Variants in NYAP2 observed in about 807,000 individuals in gnomAD.
NYAP2 encodes the protein neuronal tyrosine-phosphorylated phosphoinositide-3-kinase adaptor 2.
In NYAP2, 23 loss-of-function variants were observed where a neutral mutation model predicts 50.4. The observed-to-expected ratio is 0.46, with a 90% CI of 0.33 to 0.65. The LOEUF (loss-of-function observed/expected upper bound fraction) is 0.65, where lower values mean the gene tolerates loss of function less well. NYAP2 is among the 30% of genes least tolerant of loss of function. The probability of loss-of-function intolerance (pLI) is 0.02; values close to 1 mark genes in which losing one functional copy is unlikely to be tolerated. For missense variants in NYAP2, 885 were observed against 861.0 expected, an observed-to-expected ratio of 1.03 and a Z score of -0.35; for synonymous variants, 394 against 365.2, an observed-to-expected ratio of 1.08 and a Z score of -0.90.
intron 4 of NYAP2, among the ~76,000 whole-genome samples, chr2:225,549,237 A>G (rs758114619): frequency 2.6e-5 from 4 of 152,124 alleles, no homozygotes; most frequent in Non-Finnish European, 5.9e-5. Flanking sequence ...CACAAAACCT[A>G]TTTCCTAGTT....
intron 4 of NYAP2, among the ~76,000 whole-genome samples, chr2:225,521,929 T>G (rs374935598): frequency 6.6e-6 from 1 of 152,154 alleles, no homozygotes; most frequent in East Asian, 1.9e-4. Context: ...TGGTAAGCTA[T>G]TGATTATTGC....
At chr2:225,651,057 A>C (rs1035974896) in intron 6 of NYAP2, among the ~76,000 whole-genome samples, 1 of 152,256 alleles carries the variant, frequency 6.6e-6, no homozygotes, top group African/African-American at 2.4e-5. Flanking sequence ...AAGACATTTT[A>C]GGACACAGAA....
At chr2:225,522,943 C>G (rs780439279) in intron 4 of NYAP2, among the ~76,000 whole-genome samples, 3 of 152,012 alleles carry the variant, frequency 2.0e-5, no homozygotes, top group African/African-American at 4.8e-5. Flanking sequence ...TTGGTGTTGA[C>G]CAACTTAAAG....
intron 4 of NYAP2, among the ~76,000 whole-genome samples, chr2:225,556,619 C>G (rs1305962708): frequency 6.6e-6 from 1 of 152,128 alleles, no homozygotes; most frequent in Non-Finnish European, 1.5e-5. Flanking sequence ...TAACACACAT[C>G]ACTTCCAATA....
intron 4 of NYAP2, among the ~76,000 whole-genome samples, chr2:225,541,552 T>G (rs1691473383): frequency 6.6e-6 from 1 of 152,222 alleles, no homozygotes; most frequent in African/African-American, 2.4e-5. Context: ...GAGACTGTCT[T>G]TTCCCAAATG....
rs369637364 is a variant in NYAP2, at chr2:225,447,887, C to A, written c.221+38786C>A. 1.5e-4 allele frequency among the ~76,000 whole-genome samples: 23 copies of A among 152,196 alleles called. No homozygotes were observed. In the East Asian group the frequency reaches 4.4e-3, roughly 29 times the overall value. On this transcript the variant is annotated intron_variant, in intron 3 of 6. Coordinates refer to ENST00000636099, the Ensembl canonical transcript of NYAP2. ...TGACTACAGGGAGAGCAATTCCAAG[C>A]AGCTGTTCAAACAAATATAATTTCT...
In NYAP2 at chr2:225,582,804, G is replaced by A. The variant is rs779180636; in HGVS notation, c.1387G>A (p.Gly463Ser). 7 of 1,613,754 alleles carry A rather than the reference G, an allele frequency of 4.3e-6. No homozygotes were observed. The African/African-American group carries it at 9.3e-5, about 22-fold the overall frequency. Residue 463 changes from glycine to serine, a missense_variant, in exon 5 of 7, where the codon GGC (glycine) becomes AGC (serine). Gly to Ser is a moderately conservative substitution (Grantham distance 56, BLOSUM62 0). Coordinates refer to ENST00000636099, the Ensembl canonical transcript of NYAP2. The surrounding 1 kb of genome is among the most constrained non-coding windows in gnomAD (Gnocchi z 7.0). ...TCCCCCTTACGACGCTGTGCATTCG[G>A]GCAGCCTCTCAAGGAGCTCTCCTTC...
rs886079133 is a variant in NYAP2, at chr2:225,518,538, A to C, written c.523+4866A>C. ...TGTGAGCTAATATATATATATATAT[A>C]TATATATATATATATATATATATAT... On this transcript the variant is annotated intron_variant, in intron 4 of 6. Coordinates refer to ENST00000636099, the Ensembl canonical transcript of NYAP2. Among the ~76,000 whole-genome samples, 8 of 60,206 alleles carry C rather than the reference A, an allele frequency of 1.3e-4. 2 individuals are homozygous for C. In the East Asian group the frequency reaches 3.3e-3, roughly 25 times the overall value. The allele number at this position is 60,206 out of a possible 152,430, so 39.5% of individuals were successfully genotyped here.
chr2:225,426,315 T>C (rs1002661346), intron 3 of NYAP2, among the ~76,000 whole-genome samples: 9 of 152,166 alleles, frequency 5.9e-5, no homozygotes, highest in Admixed American at 2.0e-4. Context: ...CTCCATGTAA[T>C]ATCAGTACCT....
At chr2:225,679,059 AAG>A in the NYAP2 span, among the ~76,000 whole-genome samples, 1 of 152,180 alleles carries the variant, frequency 6.6e-6, no homozygotes, top group African/African-American at 2.4e-5. Flanking sequence ...CCAGCTAAGA[AAG>A]AGAGATTAAG....
At chr2:225,481,193 A>G (rs1690201623) in intron 3 of NYAP2, among the ~76,000 whole-genome samples, 1 of 152,150 alleles carries the variant, frequency 6.6e-6, no homozygotes, top group Admixed American at 6.5e-5. Flanking sequence ...CATCCTGTAT[A>G]TAATTCATCA....
chr2:225,697,548 T>C, the NYAP2 span, among the ~76,000 whole-genome samples: 1 of 151,972 alleles, frequency 6.6e-6, no homozygotes, highest in Non-Finnish European at 1.5e-5. Flanking sequence ...CTGTTTAAAA[T>C]TATTTCAAGA....
intron 3 of NYAP2, among the ~76,000 whole-genome samples, chr2:225,468,867 T>A (rs1315468388): frequency 3.9e-5 from 6 of 152,220 alleles, no homozygotes; most frequent in Non-Finnish European, 8.8e-5. Flanking sequence ...TAGTTTGGAC[T>A]ATTTATTTGA....
At chr2:225,420,586 T>C (rs938597857) in intron 3 of NYAP2, among the ~76,000 whole-genome samples, 20 of 140,936 alleles carry the variant, frequency 1.4e-4, no homozygotes, top group African/African-American at 4.6e-4. Context: ...GAAAGAGGAG[T>C]TCTTTTTTCT....
intron 3 of NYAP2, among the ~76,000 whole-genome samples, chr2:225,411,527 C>G (rs1022344994): frequency 1.3e-5 from 2 of 151,896 alleles, no homozygotes; most frequent in Non-Finnish European, 2.9e-5. Context: ...GGTAGAATTC[C>G]AAGCCGAAGG....
chr2:225,582,145 C>T lies in NYAP2; in HGVS notation c.728C>T (p.Pro243Leu). The T allele has an allele frequency of 6.2e-7, 1 of 1,613,950 alleles. No individual in the cohort carries two copies. Among genetic ancestry groups the T allele is most frequent in the Non-Finnish European group, 8.5e-7 (1 of 1,179,818 alleles). The change falls in exon 5 of 7, where the codon CCC becomes CTC. Residue 243 changes from proline to leucine, a missense_variant. Transcript: ENST00000636099. This position sits in a 1 kb window ranked among gnomAD's most constrained non-coding sequence, Gnocchi z 7.0. ...GCGGGAGACCCCGAGGAAGAGGAGC[C>T]CGTGTACATCGAGATGGTGGGGAAC...
At chr2:225,620,419 ACG>A (rs1693073401) in intron 5 of NYAP2, among the ~76,000 whole-genome samples, 2 of 30,154 alleles carry the variant, frequency 6.6e-5, no homozygotes, top group Non-Finnish European at 1.8e-4. Context: ...GCACACATGC[ACG>A]CACACGCACG....
chr2:225,537,676 A>G (rs1034578855), intron 4 of NYAP2, among the ~76,000 whole-genome samples: 4 of 152,148 alleles, frequency 2.6e-5, no homozygotes, highest in African/African-American at 9.6e-5. Context: ...ATATCATTCC[A>G]CCCCGACCCC....
intron 5 of NYAP2, among the ~76,000 whole-genome samples, chr2:225,602,108 G>T (rs1692702034): frequency 6.6e-6 from 1 of 152,128 alleles, no homozygotes; most frequent in Admixed American, 6.6e-5. Context: ...CCCAAAAGAG[G>T]GTTGCCAGCT....
Sources: allele counts gnomAD v4.1 joint callset (sites outside exome capture counted in the v4.1 genomes callset), GRCh38; gene constraint gnomAD v4.1.1; non-coding constraint Gnocchi (gnomAD v3.1); transcripts MANE v1.5; gene names NCBI Gene and HGNC (gene_info 2026-07-23, HGNC 2026-07-21).